RIMS1: variants seen among roughly 807,000 people sequenced by gnomAD.
RIMS1 encodes regulating synaptic membrane exocytosis protein 1.
A neutral mutation model predicts 214.1 loss-of-function variants in RIMS1; 83 were observed. The observed-to-expected ratio is 0.39, with a 90% CI of 0.32 to 0.47. The LOEUF (loss-of-function observed/expected upper bound fraction) is 0.47. Among genes scored for constraint, RIMS1 ranks in the 20% least tolerant of loss-of-function variants. The pLI is 0.99. For synonymous variants in RIMS1, 793 were observed against 786.8 expected, an observed-to-expected ratio of 1.01 and a Z score of -0.13; for missense variants, 2,050 against 2,161.8, an observed-to-expected ratio of 0.95 and a Z score of 1.03.
chr6:72,235,787 A>G (rs1482592606), intron 8 of RIMS1, 59 bp downstream of exon 8: 2 of 905,118 alleles, frequency 2.2e-6, no homozygotes, highest in Non-Finnish European at 3.2e-6. Flanking sequence ...GTCTGCATTC[A>G]TCGGAGTTTC....
At chr6:72,322,494 A>G (rs888748977) in intron 28 of RIMS1, among the ~76,000 whole-genome samples, 5 of 152,146 alleles carry the variant, frequency 3.3e-5, no homozygotes, top group Non-Finnish European at 5.9e-5. Flanking sequence ...ATAATATTAC[A>G]TGGTCACAGT....
At chr6:72,172,082 T>G (rs992999187) in intron 4 of RIMS1, among the ~76,000 whole-genome samples, 9 of 152,042 alleles carry the variant, frequency 5.9e-5, no homozygotes, top group Admixed American at 5.9e-4. Context: ...AGTTAATAAA[T>G]CAATTAAATT....
intron 4 of RIMS1, among the ~76,000 whole-genome samples, chr6:72,174,723 A>G (rs2047479084): frequency 6.6e-6 from 1 of 152,162 alleles, no homozygotes; most frequent in South Asian, 2.1e-4. Context: ...AAATATATAA[A>G]TAGGATATAG....
chr6:72,290,877 C>T lies in RIMS1; in HGVS notation c.3737+16C>T, dbSNP rs749572947. The T allele has an allele frequency of 5.7e-5, 92 of 1,609,872 alleles. No homozygotes were observed. Among genetic ancestry groups the T allele is most frequent in the Non-Finnish European group, 7.7e-5 (91 of 1,178,316 alleles). ...TTCTGACAAGGTCGCTATTCAGTGT[C>T]CCCCTCAGCATTCATGTCCTGCCTC... On this transcript the variant is annotated intron_variant, in intron 25 of 33. Coordinates refer to ENST00000521978, the MANE Select transcript of RIMS1 (RefSeq NM_014989.7).
intron 1 of RIMS1, among the ~76,000 whole-genome samples, chr6:71,893,872 G>T (rs941605542): frequency 1.3e-5 from 2 of 152,170 alleles, no homozygotes; most frequent in Non-Finnish European, 2.9e-5. Context: ...GAAGGTGACT[G>T]TACATGTTGA....
At chr6:71,968,373 AC>A (rs1173783362) in intron 1 of RIMS1, among the ~76,000 whole-genome samples, 1 of 152,122 alleles carries the variant, frequency 6.6e-6, no homozygotes, top group Non-Finnish European at 1.5e-5. Context: ...ACATTTAATT[AC>A]TTTTTTTCAC....
At position 72,233,399 on chromosome 6, in the gene RIMS1, G is replaced by T. The variant is rs562657951; in HGVS notation, c.1679-374G>T. ...GTATAAAGAGAGACACTATATTTTA[G>T]TACTTACCTCATGTCAATGAATAAA... On this transcript the variant is annotated intron_variant, in intron 6 of 33. Transcript: ENST00000521978. Among the ~76,000 whole-genome samples, 17 of 151,354 alleles carry T rather than the reference G, an allele frequency of 1.1e-4. No individual in the cohort carries two copies. The South Asian group carries it at 3.3e-3, about 30-fold the overall frequency.
At chr6:71,929,664 A>T (rs566160359) in intron 1 of RIMS1, among the ~76,000 whole-genome samples, 1 of 152,170 alleles carries the variant, frequency 6.6e-6, no homozygotes, top group South Asian at 2.1e-4. Context: ...AGTATAAAAG[A>T]TCTGGGTCAG....
At chr6:72,383,772 G>A (rs964760050) in intron 29 of RIMS1, among the ~76,000 whole-genome samples, 1 of 151,866 alleles carries the variant, frequency 6.6e-6, no homozygotes, top group African/African-American at 2.4e-5. Flanking sequence ...CCTAGTGATG[G>A]CATAATCATA....
At position 71,887,031 on chromosome 6, in the gene RIMS1, C is replaced by G. The variant is rs1287646284; in HGVS notation, c.8C>G (p.Ser3Trp). The part of the protein sequence containing the change: MS[S>W]AVGPRGPRPP... ...GGCGGGCAGGCCACGAAAATGTCCT[C>G]GGCCGTGGGGCCCCGCGGTCCTCGC... Residue 3 changes from serine to tryptophan, a missense_variant, in exon 1 of 34, where the codon TCG (serine) becomes TGG (tryptophan). Physicochemically the swap from Ser to Trp is radical, Grantham distance 177. Around this residue, in one of 6 missense-constraint regions of RIMS1, gnomAD observed 882 missense variants for 828.9 expected, o/e 1.06. Coordinates refer to ENST00000521978, the MANE Select transcript of RIMS1 (RefSeq NM_014989.7). 1.9e-6 allele frequency: 3 copies of G among 1,612,820 alleles called. No individual in the cohort carries two copies. The highest frequency in any genetic ancestry group is 2.5e-6 in the Non-Finnish European group (3 of 1,179,440).
intron 28 of RIMS1, among the ~76,000 whole-genome samples, chr6:72,326,394 G>T (rs1174230698): frequency 1.3e-5 from 2 of 151,832 alleles, no homozygotes; most frequent in Non-Finnish European, 1.5e-5. Context: ...TGAAGGTACA[G>T]ATTTGATTGT....
intron 4 of RIMS1, among the ~76,000 whole-genome samples, chr6:72,123,452 A>C (rs2038849510): frequency 1.3e-5 from 2 of 151,920 alleles, no homozygotes; most frequent in East Asian, 3.9e-4. Context: ...TATTCTCTTG[A>C]TTTGGGGTGG....
At chr6:71,958,689 G>T (rs573961612) in intron 1 of RIMS1, among the ~76,000 whole-genome samples, 1 of 152,222 alleles carries the variant, frequency 6.6e-6, no homozygotes, top group Admixed American at 6.5e-5. Context: ...GACAGGTAAT[G>T]GGAGGTGAAG....
intron 2 of RIMS1, among the ~76,000 whole-genome samples, chr6:72,013,313 C>A (rs1442060001): frequency 6.6e-6 from 1 of 152,082 alleles, no homozygotes; most frequent in Non-Finnish European, 1.5e-5. Context: ...ATAATAAGTA[C>A]AGGATTTATA....
intron 4 of RIMS1, among the ~76,000 whole-genome samples, chr6:72,109,393 C>T (rs2035525473): frequency 6.6e-6 from 1 of 151,714 alleles, no homozygotes; most frequent in African/African-American, 2.4e-5. Context: ...GATTGCCATT[C>T]TAACTGGTGT....
intron 1 of RIMS1, among the ~76,000 whole-genome samples, chr6:71,913,192 T>C (rs1777425917): frequency 1.3e-5 from 2 of 152,302 alleles, no homozygotes; most frequent in Admixed American, 1.3e-4. Context: ...AAATATTTTA[T>C]CATTAAAATT....
chr6:72,143,615 G>T (rs1279864200), intron 4 of RIMS1, among the ~76,000 whole-genome samples: 2 of 152,156 alleles, frequency 1.3e-5, no homozygotes, highest in African/African-American at 4.8e-5. Context: ...AGAAAGGAAG[G>T]TTCTACGTTG....
At chr6:72,263,810 C>A (rs200717667) in intron 19 of RIMS1, 11 of 47,164 alleles carry the variant, frequency 2.3e-4, no homozygotes, top group African/African-American at 1.1e-3. Flanking sequence ...CTAAAACACA[C>A]ACACACACAC....
intron 29 of RIMS1, among the ~76,000 whole-genome samples, chr6:72,385,449 A>G (rs1318060146): frequency 6.6e-6 from 1 of 152,264 alleles, no homozygotes; most frequent in East Asian, 1.9e-4. Context: ...GTGAATGTAT[A>G]CATAAAAATA....
Sources: allele counts gnomAD v4.1 joint callset (sites outside exome capture counted in the v4.1 genomes callset), GRCh38; gene constraint gnomAD v4.1.1; regional missense constraint gnomAD v4.1.1; transcripts MANE v1.5; gene names NCBI Gene and HGNC (gene_info 2026-07-23, HGNC 2026-07-21).